The following CYP4F3 variants were observed in gnomAD, a reference collection of about 807,000 sequenced individuals.
CYP4F3 encodes the protein cytochrome P450 family 4 subfamily F member 3, also known as cytochrome P450 4F3.
A neutral mutation model predicts 54.8 loss-of-function variants in CYP4F3; 50 were observed. The observed-to-expected ratio is 0.91, with a 90% CI of 0.73 to 1.16. CYP4F3 has a LOEUF of 1.16. Among genes scored for constraint, CYP4F3 ranks in the 50% most tolerant of loss-of-function variants. The pLI is 0.00. For missense variants in CYP4F3, 715 were observed against 676.2 expected, an observed-to-expected ratio of 1.06 and a Z score of -0.64; for synonymous variants, 244 against 262.6, an observed-to-expected ratio of 0.93 and a Z score of 0.69.
Position 15,645,882 on chromosome 19 carries a change from A to C in CYP4F3, c.343+19A>C. ...GCTCCAGGTAGACACTGCACTGGCC[A>C]CTCCAGGTAGACACTGCACTGGCCA... On this transcript the variant is annotated intron_variant, in intron 3 of 12. Coordinates refer to ENST00000221307, the MANE Select transcript of CYP4F3 (RefSeq NM_000896.3). The C allele has an allele frequency of 1.3e-6, 2 of 1,586,922 alleles. No homozygotes were observed.
rs1454357328 is a variant in CYP4F3, at chr19:15,650,193, T to A, written c.918+10T>A. On this transcript the variant is annotated intron_variant, in intron 7 of 12. Transcript: ENST00000221307. ...ACTCCTGCTGAGCAAGGTGGGCCTCTCTGGGATCTGAATTCAAGAAGTAGA... is the reference window on the plus strand; with the variant it reads ...ACTCCTGCTGAGCAAGGTGGGCCTCACTGGGATCTGAATTCAAGAAGTAGA... 6.2e-7 allele frequency: 1 copy of A among 1,614,164 alleles called. No individual in the cohort carries two copies. Among genetic ancestry groups the A allele is most frequent in the East Asian group, 2.2e-5 (1 of 44,878 alleles).
chr19:15,645,291 C>T (rs748902832), intron 2 of CYP4F3, among the ~76,000 whole-genome samples: 2 of 152,170 alleles, frequency 1.3e-5, no homozygotes, highest in African/African-American at 4.8e-5. Flanking sequence ...TGCCTAGTCT[C>T]GGCAGGCCTG....
At chr19:15,644,097 G>A in intron 2 of CYP4F3, 1 of 1,481,186 alleles carries the variant, frequency 6.8e-7, no homozygotes, top group Non-Finnish European at 9.0e-7. Flanking sequence ...TGCATTTGAG[G>A]CCTGCAAGTC....
Position 15,658,473 on chromosome 19 carries a change from C to A in CYP4F3, c.1250-18C>A. The A allele has an allele frequency of 6.2e-7, 1 of 1,614,128 alleles. No individual in the cohort carries two copies. Among genetic ancestry groups the A allele is most frequent in the South Asian group, 1.1e-5 (1 of 91,082 alleles). On this transcript the variant is annotated intron_variant, in intron 10 of 12. Coordinates refer to ENST00000221307, the MANE Select transcript of CYP4F3 (RefSeq NM_000896.3). ...CAGGCAGGGAGCATTGTCCTGACTG[C>A]CCCCTTCTCTCCCACAGGCATTATC...
chr19:15,649,793 C>A (rs1313839854), intron 6 of CYP4F3, 120 bp from the exon 7 acceptor site: 2 of 1,391,250 alleles, frequency 1.4e-6, no homozygotes, highest in East Asian at 4.6e-5. Context: ...ATCTGAGGGG[C>A]CATCTGTTCC....
At chr19:15,643,391 G>GAT (rs1052412495) in intron 2 of CYP4F3, among the ~76,000 whole-genome samples, 2 of 149,638 alleles carry the variant, frequency 1.3e-5, no homozygotes, top group African/African-American at 2.5e-5. Context: ...GATATGTAGA[G>GAT]ATATATATAG....
intron 5 of CYP4F3, among the ~76,000 whole-genome samples, chr19:15,648,548 C>G (rs1238242219): frequency 1.3e-5 from 2 of 152,134 alleles, no homozygotes; most frequent in African/African-American, 4.8e-5. Flanking sequence ...GGAGGACTAC[C>G]TCTACAAACC....
chr19:15,648,176 A>G (rs1318506754), intron 5 of CYP4F3, among the ~76,000 whole-genome samples: 2 of 152,122 alleles, frequency 1.3e-5, no homozygotes, highest in East Asian at 3.9e-4. Context: ...TTACTGTTTC[A>G]TAAATTATTC....
chr19:15,644,760 C>T (rs1203506986), intron 2 of CYP4F3, among the ~76,000 whole-genome samples: 1 of 152,178 alleles, frequency 6.6e-6, no homozygotes, highest in Non-Finnish European at 1.5e-5. Flanking sequence ...TAGTTTGGGG[C>T]CCTCTCCTTG....
chr19:15,656,772 C>CATCT (rs1486105210), intron 9 of CYP4F3, among the ~76,000 whole-genome samples: 1 of 135,552 alleles, frequency 7.4e-6, no homozygotes, highest in African/African-American at 2.8e-5. Flanking sequence ...ATCTATCATC[C>CATCT]ATCCATCCAT....
chr19:15,653,738 GAGA>G (rs1972932958), intron 9 of CYP4F3, among the ~76,000 whole-genome samples: 1 of 7,308 alleles, frequency 1.4e-4, no homozygotes, highest in Non-Finnish European at 2.4e-4. Context: ...AGAGAGAGGA[GAGA>G]GAGAGAGAGA....
intron 2 of CYP4F3, 149 bp from the exon 3 acceptor site, chr19:15,645,570 A>T (rs1451630952): frequency 2.0e-6 from 2 of 1,002,640 alleles, no homozygotes; most frequent in Non-Finnish European, 2.9e-6. Context: ...GGAGGATGTG[A>T]GGAGGAAGCC....
chr19:15,642,970 G>A (rs1202436607), intron 2 of CYP4F3, among the ~76,000 whole-genome samples: 1 of 151,952 alleles, frequency 6.6e-6, no homozygotes, highest in African/African-American at 2.4e-5. Context: ...TAGGTGGATA[G>A]ATAGGTAGAG....
chr19:15,649,766 G>T, intron 6 of CYP4F3, 147 bp from the exon 7 acceptor site: 39 of 1,168,654 alleles, frequency 3.3e-5, no homozygotes, highest in Non-Finnish European at 4.1e-5. Flanking sequence ...TCGATTTCAT[G>T]CTGATCCCCA....
At chr19:15,654,179 A>T (rs2144666437) in intron 9 of CYP4F3, among the ~76,000 whole-genome samples, 1 of 152,300 alleles carries the variant, frequency 6.6e-6, no homozygotes, top group East Asian at 1.9e-4. Context: ...CAGTCCTGGG[A>T]AGGGAAGAAA....
intron 9 of CYP4F3, among the ~76,000 whole-genome samples, chr19:15,653,443 C>A (rs970634586): frequency 2.0e-5 from 3 of 152,068 alleles, no homozygotes; most frequent in Non-Finnish European, 4.4e-5. Context: ...GCATTCCAAC[C>A]CCCACATCTG....
intron 2 of CYP4F3, chr19:15,644,032 G>A (rs1972553193): frequency 6.3e-7 from 1 of 1,597,138 alleles, no homozygotes; most frequent in Non-Finnish European, 8.5e-7. Flanking sequence ...ACATCATCCG[G>A]TCTGTCATCA....
rs1555744995 is a variant in CYP4F3 at position 15,661,278 on chromosome 19, C to CAAAACAAAACAAAACA, written c.*1897_*1912dup. 5 of 150,844 alleles carry CAAAACAAAACAAAACA rather than the reference C, an allele frequency of 3.3e-5. No individual in the cohort carries two copies. Among genetic ancestry groups the CAAAACAAAACAAAACA allele is most frequent in the African/African-American group, 1.2e-4 (5 of 40,852 alleles). The allele number at this position is 150,844 out of a possible 1,614,324, so 9.3% of individuals were successfully genotyped here. ...GCGAGACTCGGTCTCAAAAACAAAA[C>CAAAACAAAACAAAACA]AAAACAAAACAAAACAAAACAAAAA... On this transcript the variant is annotated 3_prime_UTR_variant, in exon 13 of 13. Coordinates refer to ENST00000221307, the MANE Select transcript of CYP4F3 (RefSeq NM_000896.3).
At chr19:15,659,133 G>T (rs1973119984) in intron 12 of CYP4F3, 87 bp from the exon 13 acceptor site, 1 of 1,387,748 alleles carries the variant, frequency 7.2e-7, no homozygotes, top group South Asian at 1.4e-5. Context: ...TCTAGGTGGG[G>T]TTGGGTGTCC....
Sources: gnomAD v4.1 joint callset for allele counts (sites outside exome capture counted in the v4.1 genomes callset) on GRCh38, gnomAD v4.1.1 for gene constraint, MANE v1.5 for transcripts, NCBI Gene and HGNC (gene_info 2026-07-23, HGNC 2026-07-21) for gene names.